LRP1: variants seen among roughly 807,000 people sequenced by gnomAD.
LRP1 encodes LDL receptor related protein 1.
A neutral mutation model predicts 541.5 loss-of-function variants in LRP1; 51 were observed. The ratio of observed to expected loss-of-function variants is 0.09; its 90% CI spans 0.08 to 0.12. The LOEUF (loss-of-function observed/expected upper bound fraction) is 0.12, where lower values mean the gene tolerates loss of function less well. Ranked by LOEUF, LRP1 falls within the 10% of genes least tolerant of loss-of-function variation. The pLI, the probability that LRP1 is intolerant of heterozygous loss-of-function variation, is 1.00. For synonymous variants in LRP1, 2,219 were observed against 2,470.8 expected (o/e 0.90, Z 3.02); for missense variants, 3,878 against 6,376.2 (o/e 0.61, Z 13.34).
At chr12:57,129,913 C>T (rs2035002858) in intron 1 of LRP1, among the ~76,000 whole-genome samples, 1 of 152,118 alleles carries the variant, frequency 6.6e-6, no homozygotes, top group South Asian at 2.1e-4. Context: ...CCCCCACACT[C>T]CTTTAGTAAA....
rs775073582 is a variant in LRP1, at chr12:57,201,844, T to C, written c.10533T>C (p.Arg3511=). 5.0e-6 allele frequency: 8 copies of C among 1,613,884 alleles called. No individual in the cohort carries two copies. The South Asian group carries it at 5.5e-5, about 11-fold the overall frequency. Residue 3511 remains arginine (R), a synonymous_variant, in exon 67 of 89, where the codon CGT becomes CGC. Coordinates refer to ENST00000243077, the MANE Select transcript of LRP1 (RefSeq NM_002332.3). The surrounding 1 kb of genome is among the most constrained non-coding windows in gnomAD (Gnocchi z 6.4). ...CKDSGRCIPA[R]WKCDGEDDCG... ...ATTCGGGCCGCTGCATCCCAGCGCG[T>C]TGGAAGTGTGACGGAGAGGATGACT...
chr12:57,190,118 C>T (rs2036348403), intron 42 of LRP1, among the ~76,000 whole-genome samples: 1 of 152,108 alleles, frequency 6.6e-6, no homozygotes, highest in African/African-American at 2.4e-5. Flanking sequence ...CGAGGCAGAA[C>T]GGTGGCTCCA....
At chr12:57,133,280 G>A (rs1210646127) in intron 1 of LRP1, among the ~76,000 whole-genome samples, 3 of 151,956 alleles carry the variant, frequency 2.0e-5, no homozygotes, top group Middle Eastern at 3.2e-3. Flanking sequence ...AGGCCTTCTG[G>A]GGGTCTGGCT....
Position 57,154,320 on chromosome 12 carries a change from A to G in LRP1, c.954A>G (p.Leu318=). The change falls in exon 7 of 89, where the codon CTA becomes CTG. Residue 318 remains leucine (L), a synonymous_variant. Transcript: ENST00000243077. The surrounding 1 kb of genome is among the most constrained non-coding windows in gnomAD (Gnocchi z 4.6). ...ATGGGGACACATGTGTCACATTGCTAGACCTGGAACTCTACAACCCCAAGG... is the reference window on the plus strand; with the variant it reads ...ATGGGGACACATGTGTCACATTGCTGGACCTGGAACTCTACAACCCCAAGG... ...NRNGDTCVTL[L]DLELYNPKGI... 6.2e-7 allele frequency: 1 copy of G among 1,614,186 alleles called. No individual in the cohort carries two copies. Among genetic ancestry groups the G allele is most frequent in the Non-Finnish European group, 8.5e-7 (1 of 1,180,006 alleles).
chr12:57,162,283 T>A lies in LRP1; in HGVS notation c.2203-34T>A. 1 of 1,583,990 alleles carries A rather than the reference T, an allele frequency of 6.3e-7. No individual in the cohort carries two copies. ...TCTCACAGGCCTCCCTCAATTTTCT[T>A]CCAACTCCTTAGTAACATCCTCTCC... On this transcript the variant is annotated intron_variant, in intron 13 of 88. Coordinates refer to ENST00000243077, the MANE Select transcript of LRP1 (RefSeq NM_002332.3). The surrounding 1 kb of genome is among the most constrained non-coding windows in gnomAD (Gnocchi z 5.2).
chr12:57,186,352 G>A lies in LRP1; in HGVS notation c.6841+444G>A, dbSNP rs530239657. On this transcript the variant is annotated intron_variant, in intron 41 of 88. Coordinates refer to ENST00000243077, the MANE Select transcript of LRP1 (RefSeq NM_002332.3). ...AGCTCAGTGATGCTGGGGACGGAGTGTGTGCTCTGGAAAGAGCAGTTACAG... is the reference window on the plus strand; with the variant it reads ...AGCTCAGTGATGCTGGGGACGGAGTATGTGCTCTGGAAAGAGCAGTTACAG... Among the ~76,000 whole-genome samples, 4 of 152,340 alleles carry A rather than the reference G, an allele frequency of 2.6e-5. No homozygotes were observed. The South Asian group carries it at 6.2e-4, about 24-fold the overall frequency.
At chr12:57,145,202 G>T in intron 5 of LRP1, 25 bp from the exon 6 acceptor site, 1 of 1,613,788 alleles carries the variant, frequency 6.2e-7, no homozygotes, top group South Asian at 1.1e-5. Flanking sequence ...CTGGCTGCAC[G>T]GACTCTTCTC....
intron 44 of LRP1, 75 bp downstream of exon 44, chr12:57,191,587 C>T: frequency 3.0e-6 from 4 of 1,334,010 alleles, no homozygotes; most frequent in Admixed American, 2.0e-5. Context: ...ACCCCACACA[C>T]ACATCGCACA....
At chr12:57,199,115 C>T (rs2036595030) in intron 60 of LRP1, 97 bp from the exon 61 acceptor site, 1 of 1,142,812 alleles carries the variant, frequency 8.8e-7, no homozygotes, top group Non-Finnish European at 1.3e-6. Flanking sequence ...TGACACCCAC[C>T]TCTCAGGGTG....
At position 57,211,386 on chromosome 12, in the gene LRP1, G is replaced by C. The variant is rs374733695; in HGVS notation, c.13091+36G>C. 6.2e-7 allele frequency: 1 copy of C among 1,610,600 alleles called. No individual in the cohort carries two copies. Among genetic ancestry groups the C allele is most frequent in the East Asian group, 2.2e-5 (1 of 44,838 alleles). On this transcript the variant is annotated intron_variant, in intron 84 of 88. Transcript: ENST00000243077. This position sits in a 1 kb window ranked among gnomAD's most constrained non-coding sequence, Gnocchi z 4.3. Reference sequence around the variant, plus strand: ...CCCTCCTCCACAGTTCCACCCAGCTGGGCCCCTGCCCTGTCCTAGCCCTGC... The same window carrying C: ...CCCTCCTCCACAGTTCCACCCAGCTCGGCCCCTGCCCTGTCCTAGCCCTGC...
intron 12 of LRP1, 57 bp from the exon 13 acceptor site, chr12:57,160,836 G>A: frequency 7.2e-7 from 1 of 1,382,418 alleles, no homozygotes; most frequent in Non-Finnish European, 1.0e-6. Context: ...TGGGATCACA[G>A]GGGAGGCTGT....
intron 6 of LRP1, among the ~76,000 whole-genome samples, chr12:57,146,229 A>G (rs1479322135): frequency 6.6e-6 from 1 of 152,166 alleles, no homozygotes; most frequent in Non-Finnish European, 1.5e-5. Flanking sequence ...CTTAAAAGTC[A>G]ACATCTGGCA....
intron 15 of LRP1, among the ~76,000 whole-genome samples, chr12:57,163,754 C>T (rs1565727580): frequency 1.3e-5 from 2 of 152,088 alleles, no homozygotes; most frequent in Admixed American, 6.6e-5. Context: ...TAGCTGTAAT[C>T]ATCTGTTTAT....
Position 57,199,193 on chromosome 12 carries a change from C to G in LRP1, c.9677-19C>G. The G allele has an allele frequency of 6.2e-7, 1 of 1,609,730 alleles. No homozygotes were observed. Among genetic ancestry groups the G allele is most frequent in the Non-Finnish European group, 8.5e-7 (1 of 1,177,922 alleles). On this transcript the variant is annotated intron_variant, in intron 60 of 88. Transcript: ENST00000243077. Reference sequence around the variant, plus strand: ...GAGCTCCGGCTGACTGGCACTGTGCCTGCCCCTTGGCCCTGCAGTGCTGAG... The same window carrying G: ...GAGCTCCGGCTGACTGGCACTGTGCGTGCCCCTTGGCCCTGCAGTGCTGAG...
intron 10 of LRP1, among the ~76,000 whole-genome samples, chr12:57,157,238 G>A (rs564822225): frequency 6.6e-6 from 1 of 152,342 alleles, no homozygotes; most frequent in African/African-American, 2.4e-5. Context: ...TGTTGTCCCT[G>A]GCCTCATGGA....
At chr12:57,196,404 C>A in intron 55 of LRP1, 127 bp downstream of exon 55, 1 of 994,914 alleles carries the variant, frequency 1.0e-6, no homozygotes, top group Non-Finnish European at 1.5e-6. Flanking sequence ...CAGAAATCTG[C>A]TTGGTTGGGG....
At chr12:57,169,446 C>T in intron 20 of LRP1, 139 bp downstream of exon 20, 1 of 768,312 alleles carries the variant, frequency 1.3e-6, no homozygotes, top group Non-Finnish European at 2.0e-6. Context: ...TGGCTCTTGT[C>T]CTTCAGGAGC....
rs540255780 is a variant in LRP1 at position 57,201,238 on chromosome 12, C to T, written c.10345+85C>T. On this transcript the variant is annotated intron_variant, in intron 65 of 88. Transcript: ENST00000243077. This position sits in a 1 kb window ranked among gnomAD's most constrained non-coding sequence, Gnocchi z 6.4. The stretch of plus-strand genomic sequence containing the variant: ...AGAATCTCCCCACAGCTTTGAGAGG[C>T]TCTCAAATAACTTTAGTAGATGGGC... 1 of 1,580,856 alleles carries T rather than the reference C, an allele frequency of 6.3e-7. No homozygotes were observed. The highest frequency in any genetic ancestry group is 2.3e-5 in the East Asian group (1 of 44,438).
intron 18 of LRP1, 131 bp from the exon 19 acceptor site, chr12:57,167,313 G>A (rs2035859066): frequency 1.9e-5 from 14 of 724,614 alleles, no homozygotes; most frequent in African/African-American, 6.9e-5. Context: ...GCACTGCTGC[G>A]GGGCCTTCCC....
Sources: allele counts gnomAD v4.1 joint callset (sites outside exome capture counted in the v4.1 genomes callset), GRCh38; gene constraint gnomAD v4.1.1; non-coding constraint Gnocchi (gnomAD v3.1); transcripts MANE v1.5; gene names NCBI Gene and HGNC (gene_info 2026-07-23, HGNC 2026-07-21).